The following XRCC6 variants were observed in gnomAD, a reference collection of about 807,000 sequenced individuals.
XRCC6 encodes the protein X-ray repair cross complementing 6.
Under a neutral mutation model 65.7 loss-of-function variants are expected in XRCC6, and 5 were observed. That is an observed-to-expected ratio of 0.08 (90% CI 0.04 to 0.16). XRCC6 has a LOEUF of 0.16. Ranked by LOEUF, XRCC6 falls within the 10% of genes least tolerant of loss-of-function variation. The pLI is 1.00. For synonymous variants in XRCC6, 270 were observed against 270.6 expected, an observed-to-expected ratio of 1.00 and a Z score of 0.02; for missense variants, 447 against 738.1, an observed-to-expected ratio of 0.61 and a Z score of 4.57.
intron 3 of XRCC6, among the ~76,000 whole-genome samples, chr22:41,629,614 G>A (rs2067717303): frequency 6.6e-6 from 1 of 152,168 alleles, no homozygotes; most frequent in South Asian, 2.1e-4. Flanking sequence ...TTTGGAACTA[G>A]AGTTGGTAGT....
chr22:41,622,090 A>G lies in XRCC6; in HGVS notation c.82+4A>G, dbSNP rs763264491. 29 of 1,614,086 alleles carry G rather than the reference A, an allele frequency of 1.8e-5. No individual in the cohort carries two copies. In the Admixed American group the frequency reaches 4.5e-4, roughly 25 times the overall value. ...GAAGAGAACCTTGAAGCAAGTGGTA[A>G]GTGACTTCAGCATGTAGTGCCATTC... On this transcript the variant is annotated splice_donor_region_variant and intron_variant, in intron 2 of 12. Coordinates refer to ENST00000360079, the MANE Select transcript of XRCC6 (RefSeq NM_001469.5).
intron 3 of XRCC6, 181 bp downstream of exon 3, chr22:41,628,411 A>T (rs1256157004): frequency 4.1e-6 from 2 of 485,182 alleles, no homozygotes; most frequent in African/African-American, 2.0e-5. Context: ...TACACAAATC[A>T]TCCAGGTGTG....
intron 6 of XRCC6, among the ~76,000 whole-genome samples, chr22:41,643,156 A>T (rs1223610833): frequency 2.6e-5 from 4 of 152,224 alleles, no homozygotes; most frequent in Non-Finnish European, 5.9e-5. Context: ...TCACGCCTGT[A>T]ATCCCAGCAC....
chr22:41,623,956 T>G (rs1299310198), intron 2 of XRCC6, among the ~76,000 whole-genome samples: 1 of 151,038 alleles, frequency 6.6e-6, no homozygotes, highest in Non-Finnish European at 1.5e-5. Context: ...CTCCTGGCCT[T>G]AGGTGATTCA....
rs1304475092 is a variant in XRCC6, at chr22:41,628,209, A to T, written c.174A>T (p.Thr58=). Residue 58 remains threonine (T), a synonymous_variant, in exon 3 of 13, where the codon ACA becomes ACT. Transcript: ENST00000360079. ...MFESQSEDEL[T]PFDMSIQCIQ... ...AATCTCAGAGTGAAGATGAGTTGAC[A>T]CCTTTTGACATGAGCATCCAGGTAA... is the stretch of plus-strand genomic sequence containing the variant. 1.2e-6 allele frequency: 2 copies of T among 1,612,860 alleles called. No individual in the cohort carries two copies. The highest frequency in any genetic ancestry group is 3.4e-5 in the Admixed American group (2 of 59,688).
chr22:41,641,913 C>T (rs989540532), intron 6 of XRCC6, among the ~76,000 whole-genome samples: 1 of 152,080 alleles, frequency 6.6e-6, no homozygotes, highest in Non-Finnish European at 1.5e-5. Context: ...CTGCAGCCTC[C>T]CAAGTAGCTA....
chr22:41,640,132 T>A (rs1164808326), intron 6 of XRCC6, among the ~76,000 whole-genome samples: 2 of 151,802 alleles, frequency 1.3e-5, no homozygotes, highest in Admixed American at 6.6e-5. Context: ...TCTTCTGTGG[T>A]CTTCCTGTCT....
chr22:41,640,742 C>T (rs2067866931), intron 6 of XRCC6, among the ~76,000 whole-genome samples: 1 of 152,182 alleles, frequency 6.6e-6, no homozygotes, highest in South Asian at 2.1e-4. Flanking sequence ...AGACAAGTAT[C>T]TTGTCACCTC....
intron 2 of XRCC6, among the ~76,000 whole-genome samples, chr22:41,627,244 G>A (rs1057287686): frequency 5.3e-5 from 8 of 152,080 alleles, no homozygotes; most frequent in African/African-American, 7.2e-5. Flanking sequence ...AGAAATGTAG[G>A]TTTGGGTGAT....
chr22:41,646,637 C>A (rs2067934831), intron 6 of XRCC6, among the ~76,000 whole-genome samples: 1 of 152,260 alleles, frequency 6.6e-6, no homozygotes, highest in South Asian at 2.1e-4. Context: ...ATTTCTGGTC[C>A]TAAGCAAGCA....
chr22:41,630,109 G>A lies in XRCC6; in HGVS notation c.195+1879G>A, dbSNP rs1303867660. Among the ~76,000 whole-genome samples, 108 of 150,202 alleles carry A rather than the reference G, an allele frequency of 7.2e-4. 2 individuals carry two copies. Among genetic ancestry groups the A allele is most frequent in the Admixed American group, 1.3e-4 (2 of 14,856 alleles). On this transcript the variant is annotated intron_variant, in intron 3 of 12. Coordinates refer to ENST00000360079, the MANE Select transcript of XRCC6 (RefSeq NM_001469.5). ...AGCGATTCTCCTGCCTCAGCCTCCC[G>A]AGTAGGTGAGATTACAGGCACGTGT...
chr22:41,631,575 C>T (rs1457434187), intron 3 of XRCC6, among the ~76,000 whole-genome samples: 1 of 128,384 alleles, frequency 7.8e-6, no homozygotes, highest in African/African-American at 3.2e-5. Context: ...CGATGGGCGG[C>T]CGGGCAGAGA....
intron 7 of XRCC6, among the ~76,000 whole-genome samples, chr22:41,650,068 T>C (rs1457473940): frequency 6.6e-6 from 1 of 151,736 alleles, no homozygotes; most frequent in East Asian, 1.9e-4. Flanking sequence ...ATGCTTTGTG[T>C]GTCAGGGATG....
intron 3 of XRCC6, among the ~76,000 whole-genome samples, chr22:41,630,234 G>C (rs981862094): frequency 2.0e-5 from 3 of 151,772 alleles, no homozygotes; most frequent in African/African-American, 7.3e-5. Context: ...TGCTCGCCTC[G>C]GCCTTCCAAA....
chr22:41,649,850 T>TA (rs1491301210), intron 7 of XRCC6, among the ~76,000 whole-genome samples: 41 of 24,846 alleles, frequency 1.7e-3, no homozygotes, highest in African/African-American at 2.5e-3. Flanking sequence ...AAAAAAAAAA[T>TA]AATAATAAAT....
chr22:41,656,783 T>C lies in XRCC6; in HGVS notation c.1292-120T>C, dbSNP rs899373115. The C allele has an allele frequency of 1.2e-5, 15 of 1,300,552 alleles. No homozygotes were observed. The African/African-American group carries it at 2.2e-4, about 19-fold the overall frequency. The allele number at this position is 1,300,552 out of a possible 1,614,324, so 80.6% of individuals were successfully genotyped here. ...AAACCAGCTGGTGGAGTTCAAGAAATGGGGCCTACGGGGCCCCAGCCCCAG... is the reference window on the plus strand; with the variant it reads ...AAACCAGCTGGTGGAGTTCAAGAAACGGGGCCTACGGGGCCCCAGCCCCAG... On this transcript the variant is annotated intron_variant, in intron 9 of 12. Coordinates refer to ENST00000360079, the MANE Select transcript of XRCC6 (RefSeq NM_001469.5).
chr22:41,631,534 G>A (rs538170205), intron 3 of XRCC6, among the ~76,000 whole-genome samples: 11 of 143,912 alleles, frequency 7.6e-5, no homozygotes, highest in African/African-American at 2.4e-4. Flanking sequence ...CAGACGGGGC[G>A]GCGGGGCAAA....
chr22:41,636,760 C>G lies in XRCC6; in HGVS notation c.579C>G (p.Leu193=), dbSNP rs773997460. The G allele has an allele frequency of 8.1e-6, 13 of 1,613,962 alleles. No individual in the cohort carries two copies. In the African/African-American group the frequency reaches 1.6e-4, roughly 20 times the overall value. ...ASRARTKAGD[L]RDTGIFLDLM... Reference sequence around the variant, plus strand: ...GGGCCAGGACCAAAGCCGGTGATCTCCGAGATACAGGTGGGCATATTTCCC... The same window carrying G: ...GGGCCAGGACCAAAGCCGGTGATCTGCGAGATACAGGTGGGCATATTTCCC... Residue 193 remains leucine, a synonymous_variant, in exon 5 of 13, where the codon CTC becomes CTG. Coordinates refer to ENST00000360079, the MANE Select transcript of XRCC6 (RefSeq NM_001469.5).
At chr22:41,627,177 AAG>A (rs755923897) in intron 2 of XRCC6, among the ~76,000 whole-genome samples, 12 of 152,224 alleles carry the variant, frequency 7.9e-5, no homozygotes, top group East Asian at 1.9e-4. Flanking sequence ...CAAGGGAAAA[AAG>A]AGAGGGTATC....
Sources: gnomAD v4.1 joint callset for allele counts (sites outside exome capture counted in the v4.1 genomes callset) on GRCh38, gnomAD v4.1.1 for gene constraint, MANE v1.5 for transcripts, NCBI Gene and HGNC (gene_info 2026-07-23, HGNC 2026-07-21) for gene names.